Variants in SYT1 observed in about 807,000 individuals in gnomAD.
The protein encoded by SYT1 is synaptotagmin-1.
A neutral mutation model predicts 44.8 loss-of-function variants in SYT1; 8 were observed. The observed-to-expected ratio is 0.18, with a 90% CI of 0.10 to 0.32. SYT1 has a LOEUF of 0.32. SYT1 is among the 10% of genes least tolerant of loss of function. The pLI is 1.00. For synonymous variants in SYT1, 154 were observed against 188.8 expected (o/e 0.82, Z 1.51); for missense variants, 286 against 509.3 (o/e 0.56, Z 4.22).
intron 1 of SYT1, among the ~76,000 whole-genome samples, chr12:78,967,223 G>A (rs1239891475): frequency 6.6e-6 from 1 of 152,090 alleles, no homozygotes; most frequent in Non-Finnish European, 1.5e-5. Flanking sequence ...TAATCTGACG[G>A]CAAAAGCTGA....
chr12:79,050,488 C>T (rs140558628), intron 3 of SYT1, among the ~76,000 whole-genome samples: 14 of 152,124 alleles, frequency 9.2e-5, no homozygotes, highest in Non-Finnish European at 1.9e-4. Flanking sequence ...TCATAGTCTC[C>T]TCCTTGTAAA....
chr12:78,918,879 A>G (rs1326777163), intron 1 of SYT1, among the ~76,000 whole-genome samples: 3 of 152,124 alleles, frequency 2.0e-5, no homozygotes, highest in Non-Finnish European at 4.4e-5. Context: ...TGTTTATGAC[A>G]TACTAAATTA....
At chr12:78,898,547 A>G (rs1485432027) in intron 1 of SYT1, among the ~76,000 whole-genome samples, 1 of 152,090 alleles carries the variant, frequency 6.6e-6, no homozygotes, top group East Asian at 1.9e-4. Flanking sequence ...TTGTCTTAGT[A>G]ATAGACCAAC....
At chr12:79,333,941 A>C (rs1881972841) in intron 8 of SYT1, among the ~76,000 whole-genome samples, 1 of 152,156 alleles carries the variant, frequency 6.6e-6, no homozygotes, top group African/African-American at 2.4e-5. Context: ...TTTTCCTGCC[A>C]AGTTAATTCT....
chr12:78,966,642 C>T (rs1486650520), intron 1 of SYT1, among the ~76,000 whole-genome samples: 1 of 152,104 alleles, frequency 6.6e-6, no homozygotes, highest in Non-Finnish European at 1.5e-5. Flanking sequence ...GAGGTGTCAC[C>T]TATTTACTTA....
chr12:79,159,840 C>CA (rs1870839490), intron 3 of SYT1, among the ~76,000 whole-genome samples: 1 of 152,108 alleles, frequency 6.6e-6, no homozygotes. Context: ...TTATTAGATA[C>CA]ATTCCAATTT....
In SYT1 at chr12:79,277,981, C is replaced by T. The variant is rs561863740; in HGVS notation, c.167-7806C>T. On this transcript the variant is annotated intron_variant, in intron 4 of 10. Coordinates refer to ENST00000261205, the MANE Select transcript of SYT1 (RefSeq NM_005639.3). ...AAGATATAACAATCATAAATATATA[C>T]ACATCTAACATCAGAGCTCTCAGAT... Among the ~76,000 whole-genome samples, 20 of 151,848 alleles carry T rather than the reference C, an allele frequency of 1.3e-4. No homozygotes were observed. The East Asian group carries it at 1.6e-3, about 12-fold the overall frequency.
intron 3 of SYT1, among the ~76,000 whole-genome samples, chr12:79,088,348 C>CTATT (rs1421516617): frequency 1.3e-5 from 2 of 152,142 alleles, no homozygotes; most frequent in Admixed American, 1.3e-4. Flanking sequence ...AACAAACTGA[C>CTATT]AATAGACAGG....
intron 3 of SYT1, among the ~76,000 whole-genome samples, chr12:79,138,911 T>C (rs1334317276): frequency 6.6e-6 from 1 of 152,156 alleles, no homozygotes. Flanking sequence ...GTAATTAAGG[T>C]GAAATAAAAA....
chr12:79,375,771 T>C (rs987536930), intron 9 of SYT1, among the ~76,000 whole-genome samples: 2 of 152,098 alleles, frequency 1.3e-5, no homozygotes, highest in African/African-American at 2.4e-5. Flanking sequence ...ATGCCCCCTC[T>C]AGATTGTGGG....
intron 9 of SYT1, among the ~76,000 whole-genome samples, chr12:79,373,025 G>C (rs1055779800): frequency 6.6e-6 from 1 of 152,140 alleles, no homozygotes; most frequent in African/African-American, 2.4e-5. Flanking sequence ...GGCTGTGAAA[G>C]AGAGAAATGA....
intron 2 of SYT1, among the ~76,000 whole-genome samples, chr12:78,982,677 G>A (rs1869350638): frequency 6.6e-6 from 1 of 152,140 alleles, no homozygotes; most frequent in Non-Finnish European, 1.5e-5. Flanking sequence ...TCGCAGCCTT[G>A]TGTGAATTTT....
chr12:79,051,561 G>T (rs1874493111), intron 3 of SYT1, among the ~76,000 whole-genome samples: 1 of 151,320 alleles, frequency 6.6e-6, no homozygotes, highest in African/African-American at 2.4e-5. Flanking sequence ...GGACATTCAA[G>T]ATTACACAGT....
intron 2 of SYT1, among the ~76,000 whole-genome samples, chr12:79,026,685 AT>A (rs1266347398): frequency 5.8e-5 from 8 of 137,482 alleles, no homozygotes; most frequent in African/African-American, 1.6e-4. Context: ...ATATATATAT[AT>A]ATATATATAT....
intron 2 of SYT1, among the ~76,000 whole-genome samples, chr12:79,021,544 G>A (rs554030921): frequency 8.6e-5 from 13 of 151,382 alleles, no homozygotes; most frequent in South Asian, 2.1e-4. Context: ...TCATAGCATC[G>A]TACAATTGAT....
At chr12:79,119,956 C>A (rs941998071) in intron 3 of SYT1, among the ~76,000 whole-genome samples, 2 of 152,076 alleles carry the variant, frequency 1.3e-5, no homozygotes, top group East Asian at 1.9e-4. Flanking sequence ...TAGTGAAGGT[C>A]CCAGCTGCCT....
At chr12:78,944,840 A>G (rs1318745737) in intron 1 of SYT1, among the ~76,000 whole-genome samples, 1 of 152,202 alleles carries the variant, frequency 6.6e-6, no homozygotes, top group Non-Finnish European at 1.5e-5. Context: ...TTATGTCATA[A>G]TAACTGAGAT....
intron 3 of SYT1, among the ~76,000 whole-genome samples, chr12:79,102,760 G>A (rs938918788): frequency 4.6e-5 from 7 of 152,184 alleles, no homozygotes; most frequent in Non-Finnish European, 1.0e-4. Flanking sequence ...TAGATAAAAT[G>A]AGATTGAGGT....
intron 8 of SYT1, among the ~76,000 whole-genome samples, chr12:79,329,764 C>G (rs1454576513): frequency 6.6e-6 from 1 of 152,212 alleles, no homozygotes; most frequent in Non-Finnish European, 1.5e-5. Context: ...CAAACTCCTA[C>G]TCTGTGTAAC....
Sources: allele counts gnomAD v4.1 joint callset (sites outside exome capture counted in the v4.1 genomes callset), GRCh38; gene constraint gnomAD v4.1.1; transcripts MANE v1.5; gene names NCBI Gene and HGNC (gene_info 2026-07-23, HGNC 2026-07-21).